Variants in CLVS1 observed in about 807,000 individuals in gnomAD.
CLVS1 encodes the protein clavesin 1, also known as clavesin-1.
A neutral mutation model predicts 33.1 loss-of-function variants in CLVS1; 10 were observed. The ratio of observed to expected loss-of-function variants is 0.30; its 90% CI spans 0.19 to 0.51. The LOEUF is 0.51. CLVS1 is among the 20% of genes least tolerant of loss of function. CLVS1 has a pLI of 0.97. For synonymous variants in CLVS1, 163 were observed against 166.1 expected (o/e 0.98, Z 0.14); for missense variants, 343 against 433.4 (o/e 0.79, Z 1.85).
chr8:61,411,371 C>A (rs1173592816), intron 3 of CLVS1, among the ~76,000 whole-genome samples: 10 of 152,116 alleles, frequency 6.6e-5, no homozygotes. Context: ...GAAATTAACA[C>A]AGAAGCAAGG....
chr8:61,251,080 A>G (rs1416403695), intron 2 of CLVS1, among the ~76,000 whole-genome samples: 2 of 152,130 alleles, frequency 1.3e-5, no homozygotes, highest in Non-Finnish European at 2.9e-5. Context: ...TTATTTTCAG[A>G]TACGTTCCAT....
rs971995025 is a variant in CLVS1 at position 61,496,835 on chromosome 8, G to A, written c.978-2620G>A. ...GGAACACTCGATGTTTTAGCTAAAC[G>A]CTTCTGTGGCCTTTGGTATACCCAG... On this transcript the variant is annotated intron_variant, in intron 5 of 5. Transcript: ENST00000325897. Among the ~76,000 whole-genome samples, 7 of 152,262 alleles carry A rather than the reference G, an allele frequency of 4.6e-5. 1 individual carries two copies. Among genetic ancestry groups the A allele is most frequent in the Middle Eastern group, 6.8e-3 (2 of 294 alleles).
intron 5 of CLVS1, chr8:61,465,009 C>T (rs1418723353): frequency 1.3e-5 from 2 of 152,276 alleles, no homozygotes; most frequent in African/African-American, 4.8e-5. Context: ...AGTCTCTCAC[C>T]TGACAGAGAG....
chr8:61,276,712 T>A (rs1809567534), intron 2 of CLVS1, among the ~76,000 whole-genome samples: 1 of 152,158 alleles, frequency 6.6e-6, no homozygotes, highest in Non-Finnish European at 1.5e-5. Flanking sequence ...AAGAAAAAAA[T>A]GAATAAAATG....
chr8:61,336,469 A>G (rs1056060804), intron 2 of CLVS1, among the ~76,000 whole-genome samples: 5 of 152,124 alleles, frequency 3.3e-5, no homozygotes, highest in African/African-American at 1.2e-4. Context: ...TTCCTGCACA[A>G]AGGGTCCTCA....
rs149140863 is a variant in CLVS1, at chr8:61,212,468, C to A, written c.-152+80608C>A. 2.6e-5 allele frequency among the ~76,000 whole-genome samples: 4 copies of A among 152,104 alleles called. No individual in the cohort carries two copies. In the East Asian group the frequency reaches 5.8e-4, roughly 22 times the overall value. On this transcript the variant is annotated intron_variant, in intron 2 of 2. Transcript: ENST00000522621. ...GAGGAGCCCAGGGTACTGAGGCTGG[C>A]GCTGCCCAGTTGGTCCCAAGAGATC... is the stretch of plus-strand genomic sequence containing the variant.
intron 3 of CLVS1, among the ~76,000 whole-genome samples, chr8:61,434,512 T>C (rs186740515): frequency 7.5e-4 from 114 of 152,290 alleles, no homozygotes; most frequent in African/African-American, 2.6e-3. Flanking sequence ...CTTAGTTTTA[T>C]ATATTTTAGG....
At chr8:60,998,757 A>AT in the CLVS1 span, among the ~76,000 whole-genome samples, 1 of 152,072 alleles carries the variant, frequency 6.6e-6, no homozygotes, top group Non-Finnish European at 1.5e-5. Context: ...TTGTATTTGT[A>AT]TTTTTTGCAG....
intron 2 of CLVS1, among the ~76,000 whole-genome samples, chr8:61,313,998 A>G (rs1810929184): frequency 6.6e-6 from 1 of 152,156 alleles, no homozygotes; most frequent in African/African-American, 2.4e-5. Flanking sequence ...TTCTGATAGT[A>G]AGGATGTGCA....
chr8:61,151,762 G>A (rs186630968), intron 2 of CLVS1, among the ~76,000 whole-genome samples: 66 of 152,270 alleles, frequency 4.3e-4, no homozygotes, highest in African/African-American at 1.1e-3. Context: ...CAAGTGGCTC[G>A]CAAATATTTC....
the CLVS1 span, among the ~76,000 whole-genome samples, chr8:60,972,496 T>C: frequency 6.6e-6 from 1 of 152,160 alleles, no homozygotes; most frequent in African/African-American, 2.4e-5. Context: ...CCTTAAGATA[T>C]AGGTATAGTT....
chr8:61,464,609 TG>T (rs1805791497), intron 5 of CLVS1: 1 of 152,376 alleles, frequency 6.6e-6, no homozygotes, highest in African/African-American at 2.4e-5. Flanking sequence ...GAAGCCTCCA[TG>T]TGGAAGGTTT....
chr8:61,043,094 A>G, the CLVS1 span, among the ~76,000 whole-genome samples: 1 of 152,232 alleles, frequency 6.6e-6, no homozygotes, highest in Non-Finnish European at 1.5e-5. Flanking sequence ...TTTATGGGGC[A>G]AGTAATCAAT....
At chr8:61,405,703 CTTTTT>C (rs775749517) in intron 3 of CLVS1, among the ~76,000 whole-genome samples, 3 of 124,788 alleles carry the variant, frequency 2.4e-5, no homozygotes, top group African/African-American at 3.0e-5. Flanking sequence ...GTGGAACTGA[CTTTTT>C]TTTTTTTTTT....
intron 2 of CLVS1, among the ~76,000 whole-genome samples, chr8:61,208,118 A>G (rs1807894941): frequency 6.6e-6 from 1 of 152,266 alleles, no homozygotes; most frequent in Middle Eastern, 3.2e-3. Flanking sequence ...ATGCAAAGTC[A>G]GAAAACAGAA....
At chr8:61,431,380 T>C (rs968917042) in intron 3 of CLVS1, among the ~76,000 whole-genome samples, 1 of 152,364 alleles carries the variant, frequency 6.6e-6, no homozygotes, top group Non-Finnish European at 1.5e-5. Context: ...AGGCCGTGTA[T>C]GAAGTGTTTA....
intron 1 of CLVS1, among the ~76,000 whole-genome samples, chr8:61,059,379 G>T (rs969756241): frequency 1.4e-5 from 2 of 147,344 alleles, no homozygotes; most frequent in Non-Finnish European, 3.0e-5. Flanking sequence ...TGAATGTTTG[G>T]TTTTTTTATT....
intron 2 of CLVS1, among the ~76,000 whole-genome samples, chr8:61,173,791 C>G (rs955085976): frequency 2.2e-4 from 33 of 152,156 alleles, no homozygotes; most frequent in African/African-American, 8.0e-4. Context: ...TTCAGAGGGT[C>G]CCCTCAAGTA....
intron 5 of CLVS1, among the ~76,000 whole-genome samples, chr8:61,476,739 T>G (rs9987175): frequency 0.84 from 127,082 of 152,158 alleles, 53,354 homozygotes; most frequent in Non-Finnish European, 0.86. Context: ...CATGTCATCT[T>G]CAAACAGGGA....
Sources: allele counts gnomAD v4.1 joint callset (sites outside exome capture counted in the v4.1 genomes callset), GRCh38; gene constraint gnomAD v4.1.1; transcripts MANE v1.5; gene names NCBI Gene and HGNC (gene_info 2026-07-23, HGNC 2026-07-21).